Variants in DPP10 observed in about 807,000 individuals in gnomAD.
The protein encoded by DPP10 is dipeptidyl peptidase like 10, also known as inactive dipeptidyl peptidase 10.
Under a neutral mutation model 120.9 loss-of-function variants are expected in DPP10, and 33 were observed. The observed-to-expected ratio is 0.27, with a 90% CI of 0.21 to 0.37. The LOEUF (loss-of-function observed/expected upper bound fraction) is 0.37, where lower values mean the gene tolerates loss of function less well. Ranked by LOEUF, DPP10 falls within the 10% of genes least tolerant of loss-of-function variation. The pLI, the probability that DPP10 is intolerant of heterozygous loss-of-function variation, is 1.00. For synonymous variants in DPP10, 337 were observed against 326.1 expected (o/e 1.03, Z -0.36); for missense variants, 816 against 942.8 (o/e 0.87, Z 1.76).
At chr2:115,199,186 T>C (rs1573982780) in intron 1 of DPP10, among the ~76,000 whole-genome samples, 1 of 152,226 alleles carries the variant, frequency 6.6e-6, no homozygotes, top group East Asian at 1.9e-4. Context: ...AACTTCAAAT[T>C]CTTGATGAGC....
intron 3 of DPP10, among the ~76,000 whole-genome samples, chr2:115,417,996 G>T (rs1267663105): frequency 1.3e-5 from 2 of 152,118 alleles, no homozygotes. Flanking sequence ...GTGTGAGTTG[G>T]CTTTGAGGTT....
At position 115,488,900 on chromosome 2, in the gene DPP10, AT is replaced by A. The variant is rs1473806770; in HGVS notation, c.272-10609del. Among the ~76,000 whole-genome samples, 20 of 147,860 alleles carry A rather than the reference AT, an allele frequency of 1.4e-4. No individual in the cohort carries two copies. The East Asian group carries it at 2.5e-3, about 18-fold the overall frequency. On this transcript the variant is annotated intron_variant, in intron 3 of 25. Transcript: ENST00000410059. ...TATAATAAAAAAAAAAAAAAAAAAAATATGTATCTCTCATGCCATGTTGTAA... is the reference window on the plus strand; with the variant it reads ...TATAATAAAAAAAAAAAAAAAAAAAAATGTATCTCTCATGCCATGTTGTAA...
chr2:115,837,538 T>C (rs1463400857), intron 24 of DPP10, among the ~76,000 whole-genome samples: 1 of 152,194 alleles, frequency 6.6e-6, no homozygotes, highest in East Asian at 1.9e-4. Flanking sequence ...CTTAACTTCT[T>C]CCTCTTTAGG....
At chr2:114,868,191 T>C (rs1030474721) in intron 1 of DPP10, among the ~76,000 whole-genome samples, 4 of 152,162 alleles carry the variant, frequency 2.6e-5, no homozygotes, top group African/African-American at 9.7e-5. Flanking sequence ...TTATGTAAAA[T>C]GTGCTTGTTA....
chr2:115,086,229 T>G (rs1312157523), intron 1 of DPP10, among the ~76,000 whole-genome samples: 1 of 152,178 alleles, frequency 6.6e-6, no homozygotes, highest in African/African-American at 2.4e-5. Context: ...TTGTCATCTA[T>G]TGTCTCTAAC....
At chr2:114,789,446 A>G (rs1683058246) in intron 1 of DPP10, among the ~76,000 whole-genome samples, 1 of 152,204 alleles carries the variant, frequency 6.6e-6, no homozygotes, top group Non-Finnish European at 1.5e-5. Flanking sequence ...GTGATCAGGA[A>G]TGGAGAATAA....
intron 1 of DPP10, among the ~76,000 whole-genome samples, chr2:115,303,603 A>C (rs1385983214): frequency 6.6e-6 from 1 of 151,960 alleles, no homozygotes; most frequent in Non-Finnish European, 1.5e-5. Context: ...TAAGAAAATT[A>C]ATAATTTTTT....
intron 1 of DPP10, among the ~76,000 whole-genome samples, chr2:115,176,647 A>G (rs537446084): frequency 3.3e-5 from 5 of 152,356 alleles, no homozygotes; most frequent in African/African-American, 1.2e-4. Context: ...GATAATAGTA[A>G]GAGCCATACT....
intron 1 of DPP10, among the ~76,000 whole-genome samples, chr2:115,032,188 A>G (rs1703887736): frequency 3.9e-5 from 1 of 25,330 alleles, no homozygotes; most frequent in Non-Finnish European, 9.0e-5. Flanking sequence ...GGGTAACTCT[A>G]GAAGTTTTTT....
At chr2:114,620,671 A>G (rs572488910) in intron 1 of DPP10, among the ~76,000 whole-genome samples, 197 of 152,214 alleles carry the variant, frequency 1.3e-3, no homozygotes, top group African/African-American at 4.3e-3. Context: ...GAGTATATTC[A>G]GAGAGTTTCA....
intron 1 of DPP10, among the ~76,000 whole-genome samples, chr2:114,535,886 G>A (rs1686442729): frequency 6.6e-6 from 1 of 152,164 alleles, no homozygotes; most frequent in Admixed American, 6.5e-5. Flanking sequence ...TTTCCTGGGT[G>A]CAGCACTTCA....
intron 1 of DPP10, chr2:114,828,849 G>A (rs1686799616): frequency 6.6e-6 from 1 of 152,246 alleles, no homozygotes; most frequent in African/African-American, 2.4e-5. Context: ...GAAGAAAGCG[G>A]TGTATCTGAT....
At chr2:115,096,141 C>G (rs147042066) in intron 1 of DPP10, among the ~76,000 whole-genome samples, 2,703 of 152,178 alleles carry the variant, frequency 0.018, 64 homozygotes, top group African/African-American at 0.052. Flanking sequence ...AACTATGTGT[C>G]AAAGTGCCTT....
intron 1 of DPP10, among the ~76,000 whole-genome samples, chr2:114,571,576 G>T (rs552013796): frequency 7.6e-4 from 116 of 152,054 alleles, no homozygotes; most frequent in South Asian, 1.2e-3. Context: ...CTTCATAGAG[G>T]GCAGACGCCA....
chr2:115,570,629 G>A (rs1190846667), intron 5 of DPP10, among the ~76,000 whole-genome samples: 1 of 152,156 alleles, frequency 6.6e-6, no homozygotes, highest in African/African-American at 2.4e-5. Context: ...TTAATGCTGT[G>A]TGGTGTTGTT....
chr2:115,144,733 T>TGCA lies in DPP10; in HGVS notation c.61-164502_61-164500dup, dbSNP rs2051127411. ...TAATGCTAAATGACGAGTTAATGGG[T>TGCA]GCAGCACACCAGCATGGCACATGTA... On this transcript the variant is annotated intron_variant, in intron 1 of 25. Coordinates refer to ENST00000410059, the MANE Select transcript of DPP10 (RefSeq NM_020868.6). 2.0e-5 allele frequency: 3 copies of TGCA among 150,520 alleles called. No homozygotes were observed. In the South Asian group the frequency reaches 6.4e-4, roughly 32 times the overall value. 9.3% of individuals were successfully genotyped at this position (150,520 alleles called of 1,614,324 possible). A position where few individuals can be genotyped will look rare whatever the true frequency, so the allele number is the denominator to read the frequency against.
At chr2:114,513,232 G>A (rs1464012234) in intron 1 of DPP10, among the ~76,000 whole-genome samples, 1 of 152,064 alleles carries the variant, frequency 6.6e-6, no homozygotes, top group Non-Finnish European at 1.5e-5. Flanking sequence ...TAAGAAACTG[G>A]ACCTTTACAG....
chr2:115,631,729 G>A (rs981138612), intron 5 of DPP10, among the ~76,000 whole-genome samples: 5 of 152,134 alleles, frequency 3.3e-5, no homozygotes, highest in Non-Finnish European at 7.4e-5. Context: ...TTTTGAGTGA[G>A]TTTCTTGATC....
chr2:115,176,757 C>T (rs907524937), intron 1 of DPP10, among the ~76,000 whole-genome samples: 9 of 152,170 alleles, frequency 5.9e-5, no homozygotes, highest in Admixed American at 4.6e-4. Flanking sequence ...GAGGGAACCT[C>T]TTTGGTTACA....
Sources: gnomAD v4.1 joint callset for allele counts (sites outside exome capture counted in the v4.1 genomes callset) on GRCh38, gnomAD v4.1.1 for gene constraint, MANE v1.5 for transcripts, NCBI Gene and HGNC (gene_info 2026-07-23, HGNC 2026-07-21) for gene names.